The following FLT4 variants were observed in gnomAD, a reference collection of about 807,000 sequenced individuals.
The protein encoded by FLT4 is vascular endothelial growth factor receptor 3.
In FLT4, 30 loss-of-function variants were observed where a neutral mutation model predicts 163.2. The ratio of observed to expected loss-of-function variants is 0.18; its 90% CI spans 0.14 to 0.25. The LOEUF (loss-of-function observed/expected upper bound fraction) is 0.25, where lower values mean the gene tolerates loss of function less well. Among genes scored for constraint, FLT4 ranks in the 10% least tolerant of loss-of-function variants. FLT4 has a pLI of 1.00. For missense variants in FLT4, 1,510 were observed against 1,863.8 expected (o/e 0.81, Z 3.50); for synonymous variants, 884 against 789.5 (o/e 1.12, Z -2.01).
At chr5:180,624,115 C>T in intron 10 of FLT4, 54 bp from the exon 11 acceptor site, 1 of 1,601,970 alleles carries the variant, frequency 6.2e-7, no homozygotes, top group Non-Finnish European at 8.5e-7. Context: ...AGGAAGGGCC[C>T]ACATGGGGGG....
intron 1 of FLT4, among the ~76,000 whole-genome samples, chr5:180,634,575 G>A (rs1213640248): frequency 6.6e-5 from 10 of 150,540 alleles, no homozygotes; most frequent in Non-Finnish European, 1.5e-5. Context: ...GGTGGCGGGC[G>A]CCCAGCTAAC....
At chr5:180,622,151 A>G (rs1369984500) in intron 12 of FLT4, among the ~76,000 whole-genome samples, 1 of 151,948 alleles carries the variant, frequency 6.6e-6, no homozygotes, top group Non-Finnish European at 1.5e-5. Context: ...GCCTGAAATA[A>G]CGTGTTCCCT....
chr5:180,649,574 G>T lies in FLT4; in HGVS notation c.-29C>A. ...CGGCCGCTGCGCGTGGGTCCGACCC[G>T]AGCGGCCGCGGCTCGGGGCTGAAAG... On this transcript the variant is annotated 5_prime_UTR_variant, in exon 1 of 30. Transcript: ENST00000261937. The T allele has an allele frequency of 1.5e-6, 2 of 1,363,100 alleles. No individual in the cohort carries two copies. The highest frequency in any genetic ancestry group is 1.9e-6 in the Non-Finnish European group (2 of 1,052,774). 84.4% of individuals were successfully genotyped at this position (1,363,100 alleles called of 1,614,324 possible).
At chr5:180,621,986 GCCTCCCTC>G in intron 12 of FLT4, 82 bp from the exon 13 acceptor site, 3 of 1,300,814 alleles carry the variant, frequency 2.3e-6, no homozygotes, top group Non-Finnish European at 3.2e-6. Flanking sequence ...GTCTCCTCCT[GCCTCCCTC>G]CCTCCCTCTC....
At position 180,621,261 on chromosome 5, in the gene FLT4, A is replaced by G. The variant is rs1256246095; in HGVS notation, c.2021-9T>C. 1 of 1,609,742 alleles carries G rather than the reference A, an allele frequency of 6.2e-7. No homozygotes were observed. The highest frequency in any genetic ancestry group is 1.3e-5 in the African/African-American group (1 of 74,854). On this transcript the variant is annotated splice_polypyrimidine_tract_variant and intron_variant, in intron 13 of 29. Coordinates refer to ENST00000261937, the MANE Select transcript of FLT4 (RefSeq NM_182925.5). ...CCGAGGGGCTTCCAGGGCTGGGGGC[A>G]GGGGTCGAGAGGGAGCTAAGTGGAG...
chr5:180,631,881 G>C, intron 1 of FLT4, 103 bp from the exon 2 acceptor site: 1 of 803,490 alleles, frequency 1.2e-6, no homozygotes. Context: ...ACCCCTGCAG[G>C]GCCGGAGCAG....
intron 1 of FLT4, among the ~76,000 whole-genome samples, chr5:180,649,208 AC>A (rs1330670776): frequency 6.6e-6 from 1 of 151,774 alleles, no homozygotes; most frequent in Non-Finnish European, 1.5e-5. Flanking sequence ...ACGCGGAGCC[AC>A]CGACGGAGAC....
chr5:180,618,630 T>G, intron 21 of FLT4, 140 bp downstream of exon 21: 1 of 847,872 alleles, frequency 1.2e-6, no homozygotes, highest in Non-Finnish European at 1.8e-6. Context: ...GTCCCCGAGG[T>G]GTCTTCCCTT....
rs376414216 is a variant in FLT4 at position 180,640,962 on chromosome 5, G to A, written c.58+8526C>T. ...ATGATGGCTGAGTCCACAGGGCATG[G>A]CTGGGTCCAGGTCCTGGTGCAGAGG... On this transcript the variant is annotated intron_variant, in intron 1 of 29. Coordinates refer to ENST00000261937, the MANE Select transcript of FLT4 (RefSeq NM_182925.5). 5.3e-5 allele frequency among the ~76,000 whole-genome samples: 8 copies of A among 152,276 alleles called. No individual in the cohort carries two copies. In the East Asian group the frequency reaches 1.2e-3, roughly 22 times the overall value.
intron 1 of FLT4, among the ~76,000 whole-genome samples, chr5:180,641,670 C>T (rs538554534): frequency 2.8e-3 from 419 of 152,276 alleles, no homozygotes; most frequent in Non-Finnish European, 4.5e-3. Flanking sequence ...GTCTGGTGGC[C>T]CCTGCTAACC....
rs529204217 is a variant in FLT4 at position 180,636,151 on chromosome 5, G to A, written c.59-4373C>T. 2.6e-5 allele frequency among the ~76,000 whole-genome samples: 4 copies of A among 152,114 alleles called. No individual in the cohort carries two copies. The highest frequency in any genetic ancestry group is 3.4e-3 in the Middle Eastern group (1 of 294). On this transcript the variant is annotated intron_variant, in intron 1 of 29. Transcript: ENST00000261937. The surrounding 1 kb of genome is among the most constrained non-coding windows in gnomAD (Gnocchi z 4.3). Reference sequence around the variant, plus strand: ...ACTGCTGAGCAGGACCATCCATCGCGCTTGCCAACCCTTTTGCCCATCCAC... The same window carrying A: ...ACTGCTGAGCAGGACCATCCATCGCACTTGCCAACCCTTTTGCCCATCCAC...
intron 7 of FLT4, 95 bp from the exon 8 acceptor site, chr5:180,629,094 A>G: frequency 7.0e-7 from 1 of 1,436,804 alleles, no homozygotes; most frequent in Non-Finnish European, 9.8e-7. Context: ...CGGCAGCCGG[A>G]CATCCGCAGA....
At chr5:180,641,036 C>T (rs1396738228) in intron 1 of FLT4, among the ~76,000 whole-genome samples, 1 of 152,206 alleles carries the variant, frequency 6.6e-6, no homozygotes, top group Non-Finnish European at 1.5e-5. Flanking sequence ...TGCATCCTCG[C>T]AGCCCTGCCC....
At chr5:180,604,800 C>T (rs1325544706) in intron 29 of FLT4, among the ~76,000 whole-genome samples, 1 of 152,204 alleles carries the variant, frequency 6.6e-6, no homozygotes, top group African/African-American at 2.4e-5. Flanking sequence ...CTGGGACTCC[C>T]AATTTTATAT....
Position 180,634,158 on chromosome 5 carries a change from T to C in FLT4, c.59-2380A>G, listed in dbSNP as rs140525675. 2.5e-3 allele frequency among the ~76,000 whole-genome samples: 385 copies of C among 152,342 alleles called. 2 individuals are homozygous for C. The highest frequency in any genetic ancestry group is 8.7e-3 in the African/African-American group (360 of 41,574). ...CAAAGTGCCTGTTGTTTTCCTGTCT[T>C]GAACACTTGTCCTTTTTCCTGGGAC... is the stretch of plus-strand genomic sequence containing the variant. On this transcript the variant is annotated intron_variant, in intron 1 of 29. Coordinates refer to ENST00000261937, the MANE Select transcript of FLT4 (RefSeq NM_182925.5).
intron 1 of FLT4, among the ~76,000 whole-genome samples, chr5:180,643,486 C>G (rs936602438): frequency 6.6e-6 from 1 of 151,558 alleles, no homozygotes; most frequent in Non-Finnish European, 1.5e-5. Context: ...GCCTCAATGG[C>G]TCTCCCCCCG....
At chr5:180,617,166 C>G (rs1300108714) in intron 21 of FLT4, among the ~76,000 whole-genome samples, 172 bp from the exon 22 acceptor site, 1 of 138,154 alleles carries the variant, frequency 7.2e-6, no homozygotes, top group African/African-American at 2.7e-5. Flanking sequence ...CTGGGACACC[C>G]ACATCCTACT....
chr5:180,632,244 C>T (rs1426728501), intron 1 of FLT4, among the ~76,000 whole-genome samples: 1 of 151,798 alleles, frequency 6.6e-6, no homozygotes, highest in Non-Finnish European at 1.5e-5. Flanking sequence ...ACGCAGGCCT[C>T]GCCCCCTCCT....
At chr5:180,610,148 G>A in intron 27 of FLT4, 123 bp from the exon 28 acceptor site, 1 of 1,416,452 alleles carries the variant, frequency 7.1e-7, no homozygotes, top group Non-Finnish European at 9.8e-7. Context: ...CAGGAGTATG[G>A]ATGGGCCTGG....
Sources: gnomAD v4.1 joint callset for allele counts (sites outside exome capture counted in the v4.1 genomes callset) on GRCh38, gnomAD v4.1.1 for gene constraint, Gnocchi (gnomAD v3.1) non-coding constraint, MANE v1.5 for transcripts, NCBI Gene and HGNC (gene_info 2026-07-23, HGNC 2026-07-21) for gene names.